TMCO6: variants seen among roughly 807,000 people sequenced by gnomAD.
TMCO6 encodes transmembrane and coiled-coil domain-containing protein 6.
TMCO6 carries 47 observed loss-of-function variants against 61.8 expected under a neutral mutation model. The ratio of observed to expected loss-of-function variants is 0.76; its 90% CI spans 0.60 to 0.97. The LOEUF is 0.97. Ranked by LOEUF, TMCO6 falls within the 50% of genes least tolerant of loss-of-function variation. The pLI, the probability that TMCO6 is intolerant of heterozygous loss-of-function variation, is 0.00. For missense variants in TMCO6, 557 were observed against 601.6 expected, an observed-to-expected ratio of 0.93 and a Z score of 0.78; for synonymous variants, 261 against 254.2, an observed-to-expected ratio of 1.03 and a Z score of -0.25.
chr5:140,632,198 G>C, the TMCO6 span: 1 of 1,613,422 alleles, frequency 6.2e-7, no homozygotes. This position sits in a 1 kb window ranked among gnomAD's most constrained non-coding sequence, Gnocchi z 6.2. Context: ...TTACGGTGGC[G>C]CGCAGCGAGT....
At chr5:140,638,463 AGTG>A (rs1373182896), upstream of TMCO6, among the ~76,000 whole-genome samples, 1 of 152,066 alleles carries the variant, frequency 6.6e-6, no homozygotes, top group Non-Finnish European at 1.5e-5. Flanking sequence ...GGAAAACAAA[AGTG>A]TGTGTGGGGG....
the TMCO6 span, among the ~76,000 whole-genome samples, chr5:140,600,803 G>C: frequency 6.6e-6 from 1 of 152,100 alleles, no homozygotes; most frequent in Non-Finnish European, 1.5e-5. Context: ...TATAATACTA[G>C]GGAGGGGAAA....
chr5:140,597,926 C>T, the TMCO6 span, among the ~76,000 whole-genome samples: 1 of 152,198 alleles, frequency 6.6e-6, no homozygotes, highest in Non-Finnish European at 1.5e-5. Flanking sequence ...GCTTCTGGCA[C>T]CTGCAGATGT....
intron 9 of TMCO6, 23 bp downstream of exon 9, chr5:140,643,989 G>T (rs760490318): frequency 1.9e-6 from 3 of 1,613,780 alleles, no homozygotes; most frequent in Non-Finnish European, 2.5e-6. Flanking sequence ...ATCTGCCCAG[G>T]CCTGGACATT....
At chr5:140,607,794 T>TC in the TMCO6 span, among the ~76,000 whole-genome samples, 5 of 150,726 alleles carry the variant, frequency 3.3e-5, no homozygotes, top group African/African-American at 1.2e-4. Flanking sequence ...CTATTTTCTT[T>TC]TTTTTTTTTT....
At chr5:140,623,314 AAAGT>A in the TMCO6 span, among the ~76,000 whole-genome samples, 2 of 152,216 alleles carry the variant, frequency 1.3e-5, no homozygotes, top group Non-Finnish European at 2.9e-5. Flanking sequence ...TTTTCCTTGA[AAAGT>A]AAGAAATGAT....
chr5:140,610,418 T>C, the TMCO6 span, among the ~76,000 whole-genome samples: 3 of 152,068 alleles, frequency 2.0e-5, no homozygotes, highest in African/African-American at 7.2e-5. Context: ...AGGCTGGTCA[T>C]GAACTTCAGG....
Position 140,644,136 on chromosome 5 carries a change from T to G in TMCO6, c.1142T>G (p.Leu381Arg). The stretch of plus-strand genomic sequence containing the variant: ...AGTTTCTGTACCTCCTTGCTCTCCC[T>G]GGATCTGATTGAGCCTCTCTTACAG... ...SPSFCTSLLS[L>R]DLIEPLLQLL... Residue 381 changes from leucine (L) to arginine (R), a missense_variant, in exon 10 of 12, where the codon CTG becomes CGG. By Grantham distance (102) the Leu-to-Arg change is moderately radical (BLOSUM62 -2). Coordinates refer to ENST00000394671, the MANE Select transcript of TMCO6 (RefSeq NM_018502.5). 6.2e-7 allele frequency: 1 copy of G among 1,614,240 alleles called. No individual in the cohort carries two copies. Among genetic ancestry groups the G allele is most frequent in the Non-Finnish European group, 8.5e-7 (1 of 1,180,040 alleles).
the TMCO6 span, chr5:140,632,231 G>A: frequency 1.9e-6 from 3 of 1,613,508 alleles, no homozygotes; most frequent in Non-Finnish European, 1.7e-6. The surrounding 1 kb of genome is among the most constrained non-coding windows in gnomAD (Gnocchi z 6.2). Context: ...CTAGGCTGTG[G>A]GGCTGCACAC....
chr5:140,597,344 A>G, the TMCO6 span, among the ~76,000 whole-genome samples: 1 of 151,600 alleles, frequency 6.6e-6, no homozygotes, highest in East Asian at 1.9e-4. Flanking sequence ...AATATGAAAT[A>G]TAAGAGTAAT....
chr5:140,608,367 G>A, the TMCO6 span, among the ~76,000 whole-genome samples: 4 of 152,062 alleles, frequency 2.6e-5, no homozygotes, highest in African/African-American at 9.7e-5. Context: ...TTTTGTTGCC[G>A]AGTTGTAGGA....
downstream of TMCO6, chr5:140,647,602 C>G: frequency 6.2e-7 from 1 of 1,607,034 alleles, no homozygotes; most frequent in South Asian, 1.1e-5. Flanking sequence ...ATATCGAAGT[C>G]GCCAATTCCA....
the TMCO6 span, among the ~76,000 whole-genome samples, chr5:140,598,399 G>T: frequency 6.6e-6 from 1 of 151,966 alleles, no homozygotes; most frequent in African/African-American, 2.4e-5. Flanking sequence ...AATGTTTCAA[G>T]TGCTCATTCC....
chr5:140,639,751 C>A lies in TMCO6; in HGVS notation c.98C>A (p.Ala33Glu). 4.4e-6 allele frequency: 7 copies of A among 1,597,796 alleles called. No homozygotes were observed. The highest frequency in any genetic ancestry group is 1.3e-5 in the African/African-American group (1 of 74,932). The change falls in exon 2 of 12, where the codon GCG (alanine) becomes GAG (glutamate). Residue 33 changes from alanine to glutamate, a missense_variant. Ala to Glu is a moderately radical substitution (Grantham distance 107). Transcript: ENST00000394671. ...RREREAALRK[A>E]RREQQLVSKR... ...CCTCTGCCCCCAGCACTGCGGAAGG[C>A]GCGGAGGGAGCAGCAGCTGGTCAGC... is the stretch of plus-strand genomic sequence containing the variant.
intron 2 of TMCO6, among the ~76,000 whole-genome samples, chr5:140,640,405 C>A (rs1044263886): frequency 2.7e-5 from 4 of 149,818 alleles, no homozygotes; most frequent in African/African-American, 7.5e-5. Context: ...TATTTTTTTT[C>A]TTTTCTTTTC....
In TMCO6 at chr5:140,639,854, GA is replaced by G. The variant is rs757596749; in HGVS notation, c.198+4del. On this transcript the variant is annotated splice_donor_region_variant and intron_variant, in intron 2 of 11. Transcript: ENST00000394671. ...CTGCGATCCTCGGGGAAACCGAGGT[GA>G]GGGGGCAAGGTAGGGTGCGCTGGAG... 5.0e-6 allele frequency: 8 copies of G among 1,598,622 alleles called. No individual in the cohort carries two copies. Among genetic ancestry groups the G allele is most frequent in the Non-Finnish European group, 6.8e-6 (8 of 1,173,616 alleles).
chr5:140,642,660 G>A lies in TMCO6; in HGVS notation c.678G>A (p.Glu226=). 6.2e-7 allele frequency: 1 copy of A among 1,614,184 alleles called. No homozygotes were observed. The highest frequency in any genetic ancestry group is 8.5e-7 in the Non-Finnish European group (1 of 1,180,044). The change falls in exon 6 of 12, where the codon GAG becomes GAA. Residue 226 remains glutamate, a synonymous_variant. Transcript: ENST00000394671. ...SQLLQAEEAP[E]KIIPSILAST... ...TTCTACAGGCTGAGGAAGCTCCAGA[G>A]AAGATCATTCCGTGAGTAAAATTGT...
At chr5:140,623,787 C>T in the TMCO6 span, among the ~76,000 whole-genome samples, 2 of 152,008 alleles carry the variant, frequency 1.3e-5, no homozygotes, top group Non-Finnish European at 2.9e-5. Flanking sequence ...CAGTATGTTG[C>T]CCAGGCTAGT....
In TMCO6 at chr5:140,639,472, G is replaced by GC; in HGVS notation, c.-52dup. On this transcript the variant is annotated 5_prime_UTR_variant, in exon 1 of 12. Coordinates refer to ENST00000394671, the MANE Select transcript of TMCO6 (RefSeq NM_018502.5). ...CTGCGCAGTCGGTGCCATCTTCTAC[G>GC]CCCCTGGGAGCGTTGTGGCTGCTGT... The GC allele has an allele frequency of 1.3e-6, 2 of 1,516,614 alleles. No individual in the cohort carries two copies. Among genetic ancestry groups the GC allele is most frequent in the Non-Finnish European group, 1.8e-6 (2 of 1,117,744 alleles). The allele number at this position is 1,516,614 out of a possible 1,614,324, so 93.9% of individuals were successfully genotyped here.
Sources: gnomAD v4.1 joint callset for allele counts (sites outside exome capture counted in the v4.1 genomes callset) on GRCh38, gnomAD v4.1.1 for gene constraint, Gnocchi (gnomAD v3.1) non-coding constraint, MANE v1.5 for transcripts, NCBI Gene and HGNC (gene_info 2026-07-23, HGNC 2026-07-21) for gene names.